Variants in CDC14A observed in about 807,000 individuals in gnomAD.
CDC14A encodes cell division cycle 14A, also known as dual specificity protein phosphatase CDC14A.
CDC14A carries 53 observed loss-of-function variants against 74.4 expected under a neutral mutation model. The ratio of observed to expected loss-of-function variants is 0.71; its 90% CI spans 0.57 to 0.89. The LOEUF (loss-of-function observed/expected upper bound fraction) is 0.89, where lower values mean the gene tolerates loss of function less well. Among genes scored for constraint, CDC14A ranks in the 40% least tolerant of loss-of-function variants. The probability of loss-of-function intolerance (pLI) is 0.00; values close to 1 mark genes in which losing one functional copy is unlikely to be tolerated. For missense variants in CDC14A, 646 were observed against 713.7 expected, an observed-to-expected ratio of 0.91 and a Z score of 1.08; for synonymous variants, 247 against 258.4, an observed-to-expected ratio of 0.96 and a Z score of 0.43.
chr1:100,404,824 C>T (rs551296311), intron 4 of CDC14A, among the ~76,000 whole-genome samples: 51 of 150,902 alleles, frequency 3.4e-4, no homozygotes, highest in African/African-American at 1.0e-3. Context: ...AGCGAGACTC[C>T]GTCTCAAAAA....
intron 8 of CDC14A, among the ~76,000 whole-genome samples, chr1:100,456,648 A>T (rs1666726958): frequency 6.6e-6 from 1 of 152,222 alleles, no homozygotes; most frequent in African/African-American, 2.4e-5. Context: ...CTTAAAAAAA[A>T]AAAAAGATTT....
At chr1:100,474,315 G>A (rs577968203) in intron 10 of CDC14A, among the ~76,000 whole-genome samples, 1 of 151,930 alleles carries the variant, frequency 6.6e-6, no homozygotes, top group South Asian at 2.1e-4. Flanking sequence ...TGTCTGTTTT[G>A]TCTGGGTTTT....
rs1322301485 is a variant in CDC14A at position 100,346,281 on chromosome 1, TG to T, written c.-126+1102del. On this transcript the variant is annotated intron_variant, in intron 1 of 14. Coordinates refer to the CDC14A transcript ENST00000635056. The stretch of plus-strand genomic sequence containing the variant: ...TGGTGATGGCTGGAGAAGAGTGGTG[TG>T]GGGAATATTATCTATTTTTGGAGTA... Among the ~76,000 whole-genome samples the T allele has an allele frequency of 2.6e-5, 4 of 152,234 alleles. No individual in the cohort carries two copies. In the East Asian group the frequency reaches 7.7e-4, roughly 29 times the overall value.
intron 4 of CDC14A, among the ~76,000 whole-genome samples, chr1:100,400,184 C>G (rs1659078882): frequency 6.6e-6 from 1 of 151,948 alleles, no homozygotes; most frequent in Non-Finnish European, 1.5e-5. Context: ...ACTGATATAC[C>G]CAGACAATTA....
At chr1:100,447,108 A>G (rs562820235) in intron 7 of CDC14A, among the ~76,000 whole-genome samples, 1 of 152,288 alleles carries the variant, frequency 6.6e-6, no homozygotes, top group South Asian at 2.1e-4. Context: ...CAGGCTAGCC[A>G]ATGTACTGTC....
chr1:100,468,456 C>A (rs762225290), intron 10 of CDC14A, among the ~76,000 whole-genome samples: 46 of 151,512 alleles, frequency 3.0e-4, no homozygotes, highest in Admixed American at 5.9e-4. Flanking sequence ...AAAAAAAAAA[C>A]CACAATTAAG....
chr1:100,449,077 G>A (rs1437265131), intron 7 of CDC14A, among the ~76,000 whole-genome samples: 1 of 152,188 alleles, frequency 6.6e-6, no homozygotes, highest in African/African-American at 2.4e-5. Context: ...AGATATTCAA[G>A]CAATTCACAG....
intron 10 of CDC14A, among the ~76,000 whole-genome samples, chr1:100,483,094 A>G (rs2101352668): frequency 6.6e-6 from 1 of 152,158 alleles, no homozygotes; most frequent in African/African-American, 2.4e-5. Context: ...TATATTCCTC[A>G]AGATATATAC....
intron 2 of CDC14A, among the ~76,000 whole-genome samples, chr1:100,367,356 C>T (rs1653774375): frequency 6.6e-6 from 1 of 152,024 alleles, no homozygotes; most frequent in South Asian, 2.1e-4. Context: ...TCATTTTTCC[C>T]TCAACTCTGG....
At chr1:100,498,449 C>T (rs1648199997) in intron 14 of CDC14A, among the ~76,000 whole-genome samples, 1 of 152,070 alleles carries the variant, frequency 6.6e-6, no homozygotes, top group Non-Finnish European at 1.5e-5. Context: ...TTAGTGTGAT[C>T]CAGAAAATGG....
At chr1:100,494,979 A>C (rs750919665) in intron 12 of CDC14A, 49 bp downstream of exon 12, 2 of 931,556 alleles carry the variant, frequency 2.1e-6, no homozygotes, top group East Asian at 2.5e-5. Context: ...CCCTTTGTGA[A>C]TAGAACATTT....
intron 13 of CDC14A, among the ~76,000 whole-genome samples, chr1:100,497,349 G>T (rs1358613482): frequency 6.6e-6 from 1 of 152,202 alleles, no homozygotes; most frequent in African/African-American, 2.4e-5. Context: ...GGAACTCAAG[G>T]CATTCTTATG....
chr1:100,440,804 G>A (rs1218241192), intron 6 of CDC14A, among the ~76,000 whole-genome samples: 5 of 151,928 alleles, frequency 3.3e-5, no homozygotes, highest in Non-Finnish European at 5.9e-5. Context: ...TGAGAAAATT[G>A]GTGTGATAAA....
intron 3 of CDC14A, among the ~76,000 whole-genome samples, chr1:100,378,018 C>G (rs1265966577): frequency 6.7e-6 from 1 of 148,866 alleles, no homozygotes; most frequent in Non-Finnish European, 1.5e-5. Context: ...GTGTGCATAA[C>G]ATTTTCTGTT....
intron 2 of CDC14A, among the ~76,000 whole-genome samples, chr1:100,354,057 A>T (rs1371380313): frequency 6.6e-6 from 1 of 152,172 alleles, no homozygotes; most frequent in Non-Finnish European, 1.5e-5. Context: ...GTTCTTTTAG[A>T]CATCTATCTG....
At chr1:100,492,635 G>A (rs1029354395) in intron 11 of CDC14A, among the ~76,000 whole-genome samples, 1 of 151,942 alleles carries the variant, frequency 6.6e-6, no homozygotes, top group African/African-American at 2.4e-5. Flanking sequence ...CTTTTTTGAC[G>A]CTCTCTTTGT....
chr1:100,407,719 C>T lies in CDC14A; in HGVS notation c.310-16503C>T, dbSNP rs28361217. Among the ~76,000 whole-genome samples, 22 of 152,236 alleles carry T rather than the reference C, an allele frequency of 1.4e-4. No individual in the cohort carries two copies. In the South Asian group the frequency reaches 1.9e-3, roughly 13 times the overall value. On this transcript the variant is annotated intron_variant, in intron 4 of 15. Transcript: ENST00000336454. ...TCTTTCTCTTGTCTGATGGCCTTGGCGAGAACTTCCAATACTATGTTGAAT... is the reference window on the plus strand; with the variant it reads ...TCTTTCTCTTGTCTGATGGCCTTGGTGAGAACTTCCAATACTATGTTGAAT...
Position 100,518,459 on chromosome 1 carries a change from A to G in CDC14A, c.*179A>G, listed in dbSNP as rs1361920198. Reference sequence around the variant, plus strand: ...CTTGAAAACAGAAAACTGGTTAATGACTACTATAAATGCACTGAAACTATG... The same window carrying G: ...CTTGAAAACAGAAAACTGGTTAATGGCTACTATAAATGCACTGAAACTATG... On this transcript the variant is annotated 3_prime_UTR_variant, in exon 16 of 16. Transcript: ENST00000336454. The G allele has an allele frequency of 5.3e-6, 3 of 568,182 alleles. No individual in the cohort carries two copies. Among genetic ancestry groups the G allele is most frequent in the Admixed American group, 3.0e-5 (1 of 33,628 alleles). 35.2% of individuals were successfully genotyped at this position (568,182 alleles called of 1,614,324 possible).
At chr1:100,445,342 T>C (rs1225811365) in intron 7 of CDC14A, among the ~76,000 whole-genome samples, 2 of 152,178 alleles carry the variant, frequency 1.3e-5, no homozygotes, top group African/African-American at 2.4e-5. Flanking sequence ...CCTTTTACAG[T>C]CCTATACCCA....
Sources: allele counts gnomAD v4.1 joint callset (sites outside exome capture counted in the v4.1 genomes callset), GRCh38; gene constraint gnomAD v4.1.1; transcripts MANE v1.5; gene names NCBI Gene and HGNC (gene_info 2026-07-23, HGNC 2026-07-21).